Variants in FAP observed in about 807,000 individuals in gnomAD.
FAP encodes prolyl endopeptidase FAP.
FAP carries 110 observed loss-of-function variants against 126.5 expected under a neutral mutation model. The ratio of observed to expected loss-of-function variants is 0.87; its 90% confidence interval spans 0.74 to 1.02. FAP has a LOEUF of 1.02. Ranked by LOEUF, FAP falls within the 50% of genes least tolerant of loss-of-function variation. The probability of loss-of-function intolerance (pLI) is 0.00; values close to 1 mark genes in which losing one functional copy is unlikely to be tolerated. For missense variants in FAP, 919 were observed against 909.2 expected (o/e 1.01, Z -0.14); for synonymous variants, 334 against 297.3 (o/e 1.12, Z -1.27).
intron 2 of FAP, among the ~76,000 whole-genome samples, chr2:162,234,907 G>A (rs1690047786): frequency 6.6e-6 from 1 of 152,150 alleles, no homozygotes; most frequent in Non-Finnish European, 1.5e-5. Context: ...TTGCCGGCCA[G>A]CTAGAGTTCT....
At chr2:162,188,853 C>T (rs1477191216) in intron 19 of FAP, among the ~76,000 whole-genome samples, 2 of 152,056 alleles carry the variant, frequency 1.3e-5, no homozygotes, top group Non-Finnish European at 2.9e-5. Flanking sequence ...TATTCTGACA[C>T]ATTCGGCAAA....
At chr2:162,190,718 C>T (rs13395799) in intron 17 of FAP, among the ~76,000 whole-genome samples, 1 of 152,016 alleles carries the variant, frequency 6.6e-6, no homozygotes, top group African/African-American at 2.4e-5. Flanking sequence ...TGAGGTATAT[C>T]TATTGCTACA....
At chr2:162,175,026 G>A in intron 21 of FAP, 60 bp from the exon 22 acceptor site, 1 of 1,200,964 alleles carries the variant, frequency 8.3e-7, no homozygotes, top group Non-Finnish European at 1.2e-6. Flanking sequence ...TCCTCCATAT[G>A]TTTATAGCAA....
chr2:162,203,624 G>A (rs1688584064), intron 12 of FAP, among the ~76,000 whole-genome samples: 1 of 152,118 alleles, frequency 6.6e-6, no homozygotes, highest in Admixed American at 6.5e-5. Context: ...TGGCTTGCTA[G>A]CCACAGTTTT....
chr2:162,198,523 C>T (rs1272089194), intron 16 of FAP: 13 of 702,704 alleles, frequency 1.8e-5, no homozygotes, highest in Admixed American at 9.6e-5. Context: ...AGCTGCAGTG[C>T]GGACCTTTTG....
chr2:162,207,948 G>A (rs1043929255), intron 12 of FAP, among the ~76,000 whole-genome samples: 3 of 151,550 alleles, frequency 2.0e-5, no homozygotes, highest in African/African-American at 7.3e-5. Flanking sequence ...TGACACTGAG[G>A]GTGTTTTTTA....
intron 11 of FAP, among the ~76,000 whole-genome samples, chr2:162,212,319 T>A (rs1482064559): frequency 6.6e-6 from 1 of 152,186 alleles, no homozygotes; most frequent in African/African-American, 2.4e-5. Flanking sequence ...AATAGCTAGA[T>A]TCATTGAAAA....
chr2:162,241,141 A>G (rs1322705933), intron 2 of FAP, among the ~76,000 whole-genome samples: 2 of 152,186 alleles, frequency 1.3e-5, no homozygotes, highest in Admixed American at 1.3e-4. Context: ...CACCTTATTT[A>G]TGATTTTTCT....
intron 15 of FAP, 101 bp downstream of exon 15, chr2:162,200,465 T>A (rs1038563872): frequency 5.7e-5 from 37 of 650,574 alleles, no homozygotes; most frequent in Non-Finnish European, 9.7e-5. Flanking sequence ...ATTTTTATTA[T>A]GTGCCATACT....
intron 2 of FAP, among the ~76,000 whole-genome samples, chr2:162,242,699 C>G (rs1187873074): frequency 1.3e-5 from 2 of 152,116 alleles, no homozygotes; most frequent in Non-Finnish European, 2.9e-5. Flanking sequence ...TGAAATAACA[C>G]TGTAAATCTC....
chr2:162,183,669 G>C (rs1291803828), intron 20 of FAP: 1 of 510,364 alleles, frequency 2.0e-6, no homozygotes, highest in Admixed American at 3.5e-5. Flanking sequence ...GATTCCCTTA[G>C]ACTCTGTTGT....
At chr2:162,179,466 A>G (rs73973018) in intron 21 of FAP, among the ~76,000 whole-genome samples, 5,260 of 152,206 alleles carry the variant, frequency 0.035, 306 homozygotes, top group African/African-American at 0.12. Context: ...AACAAACACA[A>G]TTCTAGCTTT....
intron 15 of FAP, among the ~76,000 whole-genome samples, chr2:162,200,242 T>C (rs1014551709): frequency 3.3e-5 from 5 of 152,226 alleles, no homozygotes; most frequent in Admixed American, 3.3e-4. Context: ...TCATACTAGG[T>C]ACTCAACAAA....
In FAP at chr2:162,218,103, AGACC is replaced by A; in HGVS notation, c.641_644del (p.Trp214PhefsTer34). On this transcript the variant is annotated frameshift_variant, in exon 9 of 26. Coordinates refer to ENST00000188790, the MANE Select transcript of FAP (RefSeq NM_004460.5). LOFTEE classifies it high-confidence loss of function. ...CATATGCCAAAAATTTTCCATTAGG[AGACC>A]ACCAGAGAGCATATTTTGTAGCAAG... 6.2e-7 allele frequency: 1 copy of A among 1,608,806 alleles called. No homozygotes were observed. The highest frequency in any genetic ancestry group is 1.1e-5 in the South Asian group (1 of 90,132).
chr2:162,195,541 G>A (rs1182860700), intron 16 of FAP, among the ~76,000 whole-genome samples: 1 of 151,732 alleles, frequency 6.6e-6, no homozygotes, highest in Non-Finnish European at 1.5e-5. Context: ...AGGGTTGGGG[G>A]GCGTGCTCAG....
intron 7 of FAP, 65 bp downstream of exon 7, chr2:162,219,788 G>C: frequency 1.8e-6 from 2 of 1,136,128 alleles, no homozygotes; most frequent in East Asian, 2.4e-5. Context: ...ATTTAACAAA[G>C]GCCAAAATCA....
chr2:162,188,338 C>T lies in FAP; in HGVS notation c.1645G>A (p.Val549Ile). 2 of 1,613,070 alleles carry T rather than the reference C, an allele frequency of 1.2e-6. No individual in the cohort carries two copies. The highest frequency in any genetic ancestry group is 1.7e-6 in the Non-Finnish European group (2 of 1,179,394). ...QVYGGPCSQS[V>I]RSVFAVNWIS... is the part of the protein sequence containing the mutation. ...CAATTAACAGCAAATACAGACCTTA[C>T]ACTCTGACTGCAGGGACCACCATAC... Residue 549 changes from valine (V) to isoleucine (I), a missense_variant, in exon 20 of 26, where the codon GTA becomes ATA. Transcript: ENST00000188790.
In FAP at chr2:162,172,861, C is replaced by T. The variant is rs370959118; in HGVS notation, c.2131G>A (p.Ala711Thr). The change falls in exon 25 of 26, where the codon GCA becomes ACA. Residue 711 changes from alanine (A) to threonine (T), a missense_variant. Transcript: ENST00000188790. ...TTAACCAGAGCTTTAGCAATCTGTG[C>T]TGAGTTTTGAAAGTGCACATTATCT... ...ADDNVHFQNS[A>T]QIAKALVNAQ... is the part of the protein sequence containing the mutation. 2.5e-6 allele frequency: 4 copies of T among 1,612,790 alleles called. No individual in the cohort carries two copies. The highest frequency in any genetic ancestry group is 3.4e-6 in the Non-Finnish European group (4 of 1,179,214).
At chr2:162,210,821 A>T (rs182137283) in intron 11 of FAP, among the ~76,000 whole-genome samples, 2 of 152,234 alleles carry the variant, frequency 1.3e-5, no homozygotes, top group Admixed American at 1.3e-4. Context: ...AATGATAAAG[A>T]CTCTAATCAA....
Sources: gnomAD v4.1 joint callset for allele counts (sites outside exome capture counted in the v4.1 genomes callset) on GRCh38, gnomAD v4.1.1 for gene constraint, MANE v1.5 for transcripts, NCBI Gene and HGNC (gene_info 2026-07-23, HGNC 2026-07-21) for gene names.